CSMD1: variants seen among roughly 807,000 people sequenced by gnomAD.
CSMD1 encodes CUB and Sushi multiple domains 1.
Under a neutral mutation model 417.5 loss-of-function variants are expected in CSMD1, and 213 were observed. The observed-to-expected ratio is 0.51, with a 90% CI of 0.46 to 0.57. CSMD1 has a LOEUF of 0.57. Among genes scored for constraint, CSMD1 ranks in the 20% least tolerant of loss-of-function variants. The pLI is 0.00. For synonymous variants in CSMD1, 2,862 were observed against 1,736.8 expected (o/e 1.65, Z -16.11); for missense variants, 6,923 against 4,529.7 (o/e 1.53, Z -15.17).
chr8:3,874,061 C>G (rs1324862531), intron 5 of CSMD1, among the ~76,000 whole-genome samples: 6 of 152,238 alleles, frequency 3.9e-5, no homozygotes, highest in Non-Finnish European at 8.8e-5. Context: ...TCCCTCCCCT[C>G]AAATTTAGGA....
chr8:3,909,830 G>C (rs1235640193), intron 5 of CSMD1, among the ~76,000 whole-genome samples: 1 of 150,150 alleles, frequency 6.7e-6, no homozygotes, highest in African/African-American at 2.4e-5. Context: ...GATTGTAATA[G>C]AAGCACCACG....
intron 52 of CSMD1, among the ~76,000 whole-genome samples, chr8:3,001,163 T>C (rs1312120260): frequency 1.3e-5 from 2 of 152,040 alleles, no homozygotes; most frequent in African/African-American, 2.4e-5. Flanking sequence ...ATTTTTTTAT[T>C]ATTATTATTT....
At chr8:4,365,567 A>G (rs1802022354) in intron 3 of CSMD1, among the ~76,000 whole-genome samples, 1 of 152,178 alleles carries the variant, frequency 6.6e-6, no homozygotes, top group South Asian at 2.1e-4. Context: ...TGTGCCTCTT[A>G]TTGATGATAT....
chr8:3,585,834 T>C (rs1378617599), intron 9 of CSMD1, among the ~76,000 whole-genome samples: 4 of 152,156 alleles, frequency 2.6e-5, no homozygotes, highest in African/African-American at 9.7e-5. Context: ...CTGTGGGACA[T>C]ATATTCACAC....
At chr8:4,118,353 C>A (rs1054623238) in intron 3 of CSMD1, among the ~76,000 whole-genome samples, 3 of 151,396 alleles carry the variant, frequency 2.0e-5, no homozygotes, top group Non-Finnish European at 4.4e-5. Flanking sequence ...ATCTACCCAT[C>A]TGACAAATGT....
intron 23 of CSMD1, among the ~76,000 whole-genome samples, chr8:3,325,238 T>G (rs1366963960): frequency 2.0e-5 from 3 of 152,200 alleles, no homozygotes; most frequent in African/African-American, 4.8e-5. Flanking sequence ...AAATGAACCT[T>G]GCAAATGCAA....
chr8:3,640,892 G>T (rs993675775), intron 7 of CSMD1, among the ~76,000 whole-genome samples: 1 of 151,946 alleles, frequency 6.6e-6, no homozygotes, highest in Non-Finnish European at 1.5e-5. Context: ...TATCCAATAT[G>T]TGGCATTAAT....
intron 3 of CSMD1, among the ~76,000 whole-genome samples, chr8:4,130,421 G>A (rs1647346): frequency 0.12 from 18,110 of 152,056 alleles, 1,184 homozygotes; most frequent in African/African-American, 0.13. Context: ...CTGCCTCACC[G>A]TCATCCTCAG....
At chr8:4,675,992 C>A (rs1005420521) in intron 1 of CSMD1, among the ~76,000 whole-genome samples, 3 of 152,178 alleles carry the variant, frequency 2.0e-5, no homozygotes, top group Non-Finnish European at 4.4e-5. Context: ...CAATTCTTCA[C>A]ATTTGCTTTA....
At chr8:3,493,314 G>C (rs945430280) in intron 11 of CSMD1, among the ~76,000 whole-genome samples, 2 of 77,502 alleles carry the variant, frequency 2.6e-5, no homozygotes, top group African/African-American at 1.3e-4. Flanking sequence ...AAAAAAAAAG[G>C]GGGGGCGGAG....
At chr8:3,556,145 C>G (rs1376546110) in intron 10 of CSMD1, among the ~76,000 whole-genome samples, 1 of 151,946 alleles carries the variant, frequency 6.6e-6, no homozygotes, top group South Asian at 2.1e-4. Flanking sequence ...AGGAACTATT[C>G]AGAATCATCA....
chr8:4,440,020 G>A (rs1001610414), intron 2 of CSMD1, among the ~76,000 whole-genome samples: 4 of 152,148 alleles, frequency 2.6e-5, no homozygotes, highest in African/African-American at 2.4e-5. Flanking sequence ...ATTTTCCTAA[G>A]AGTTAAGAAG....
intron 2 of CSMD1, among the ~76,000 whole-genome samples, chr8:4,584,335 A>G (rs1002359535): frequency 1.3e-5 from 2 of 151,980 alleles, no homozygotes; most frequent in African/African-American, 4.8e-5. Flanking sequence ...TAGTGAGACA[A>G]TCGCCAATCG....
chr8:3,452,267 G>T (rs572185570), intron 12 of CSMD1, among the ~76,000 whole-genome samples: 29 of 152,274 alleles, frequency 1.9e-4, no homozygotes, highest in African/African-American at 6.7e-4. Context: ...TGGAAAAAGG[G>T]ACAATTTGAC....
intron 41 of CSMD1, among the ~76,000 whole-genome samples, chr8:3,123,608 AG>A (rs1454085771): frequency 7.7e-6 from 1 of 129,230 alleles, no homozygotes; most frequent in Admixed American, 6.8e-5. Context: ...TAAAACGTTA[AG>A]AAAAAAAAAC....
At chr8:3,412,549 T>G (rs1369674643) in intron 12 of CSMD1, among the ~76,000 whole-genome samples, 1 of 152,134 alleles carries the variant, frequency 6.6e-6, no homozygotes. Flanking sequence ...ATGAAGATGT[T>G]GAATACATAG....
At position 3,188,949 on chromosome 8, in the gene CSMD1, G is replaced by A. The variant is rs780826490; in HGVS notation, c.5461C>T (p.Pro1821Ser). ...GTILSPGYPE[P>S]YGNNLNCIWK... ...ATACAGTTCAAGTTGTTTCCGTATGGCTCAGGGTAGCCGGGGGACAGGATT... is the reference window on the plus strand; with the variant it reads ...ATACAGTTCAAGTTGTTTCCGTATGACTCAGGGTAGCCGGGGGACAGGATT... The change falls in exon 35 of 70, where the codon CCA becomes TCA. Residue 1821 changes from proline to serine, a missense_variant. Pro to Ser is a moderately conservative substitution (Grantham distance 74). Transcript: ENST00000635120. 8 of 1,612,710 alleles carry A rather than the reference G, an allele frequency of 5.0e-6. No homozygotes were observed. The Admixed American group carries it at 1.2e-4, about 24-fold the overall frequency.
intron 23 of CSMD1, among the ~76,000 whole-genome samples, chr8:3,315,722 C>T (rs563232126): frequency 5.3e-5 from 8 of 152,198 alleles, no homozygotes; most frequent in African/African-American, 1.7e-4. Flanking sequence ...TAAGGTAAAA[C>T]ATCAAAAAGC....
intron 26 of CSMD1, among the ~76,000 whole-genome samples, chr8:3,270,341 C>G (rs773435689): frequency 3.3e-5 from 5 of 152,128 alleles, no homozygotes; most frequent in Non-Finnish European, 7.3e-5. Context: ...CAGGCATGAG[C>G]CACTGCACCT....
Sources: gnomAD v4.1 joint callset for allele counts (sites outside exome capture counted in the v4.1 genomes callset) on GRCh38, gnomAD v4.1.1 for gene constraint, MANE v1.5 for transcripts, NCBI Gene and HGNC (gene_info 2026-07-23, HGNC 2026-07-21) for gene names.